BTBD9: variants seen among roughly 807,000 people sequenced by gnomAD.
The protein encoded by BTBD9 is BTB domain containing 9.
A neutral mutation model predicts 64.3 loss-of-function variants in BTBD9; 49 were observed. That is an observed-to-expected ratio of 0.76 (90% CI 0.61 to 0.97). The LOEUF (loss-of-function observed/expected upper bound fraction) is 0.97, where lower values mean the gene tolerates loss of function less well. Ranked by LOEUF, BTBD9 falls within the 50% of genes least tolerant of loss-of-function variation. The pLI is 0.00. For missense variants in BTBD9, 598 were observed against 762.1 expected (o/e 0.78, Z 2.53); for synonymous variants, 260 against 274.7 (o/e 0.95, Z 0.53).
intron 6 of BTBD9, among the ~76,000 whole-genome samples, chr6:38,398,570 G>A (rs1194732169): frequency 4.6e-5 from 7 of 152,058 alleles, no homozygotes; most frequent in Admixed American, 2.6e-4. Context: ...AGGCCCTTTC[G>A]CCATCCTCTG....
At chr6:38,587,555 T>C in intron 4 of BTBD9, 1 of 578,552 alleles carries the variant, frequency 1.7e-6, no homozygotes, top group South Asian at 1.5e-5. Context: ...GATCTTTCCT[T>C]TGCAATTCAG....
At chr6:38,319,876 AGTCCTTGTG>A (rs1380590649) in intron 7 of BTBD9, among the ~76,000 whole-genome samples, 1 of 152,100 alleles carries the variant, frequency 6.6e-6, no homozygotes, top group Non-Finnish European at 1.5e-5. Context: ...TAGGATTTAC[AGTCCTTGTG>A]GCCTAGACAG....
intron 6 of BTBD9, among the ~76,000 whole-genome samples, chr6:38,483,495 T>G (rs963751772): frequency 6.6e-6 from 1 of 152,036 alleles, no homozygotes; most frequent in African/African-American, 2.4e-5. Flanking sequence ...ACTAGAGTTA[T>G]CTTTCAAAAA....
chr6:38,597,899 T>G lies in BTBD9; in HGVS notation c.185+11A>C, dbSNP rs899698592. 4 of 1,612,788 alleles carry G rather than the reference T, an allele frequency of 2.5e-6. No individual in the cohort carries two copies. In the African/African-American group the frequency reaches 5.3e-5, roughly 22 times the overall value. The stretch of plus-strand genomic sequence containing the variant: ...TGAACTAAATTTTCAAAAAAAGTAT[T>G]ACACACTTACCGAAAATATTGGCAC... On this transcript the variant is annotated intron_variant, in intron 2 of 10. Coordinates refer to ENST00000481247, the MANE Select transcript of BTBD9 (RefSeq NM_001099272.2).
At chr6:38,559,681 T>C (rs1301382173) in intron 6 of BTBD9, among the ~76,000 whole-genome samples, 2 of 152,110 alleles carry the variant, frequency 1.3e-5, no homozygotes, top group Non-Finnish European at 2.9e-5. Flanking sequence ...CAAATGACAC[T>C]ATAAGGTTAC....
At chr6:38,305,887 C>G (rs1195370646) in intron 7 of BTBD9, among the ~76,000 whole-genome samples, 1 of 152,174 alleles carries the variant, frequency 6.6e-6, no homozygotes, top group African/African-American at 2.4e-5. Flanking sequence ...AATGTCACCA[C>G]TGGTTTACTA....
At chr6:38,266,225 A>G (rs890066443) in intron 8 of BTBD9, among the ~76,000 whole-genome samples, 3 of 152,176 alleles carry the variant, frequency 2.0e-5, no homozygotes, top group African/African-American at 7.2e-5. Flanking sequence ...CTTTTAACAA[A>G]TAAATTTTGC....
At chr6:38,257,077 T>G (rs541673435) in intron 8 of BTBD9, among the ~76,000 whole-genome samples, 1 of 149,888 alleles carries the variant, frequency 6.7e-6, no homozygotes. Flanking sequence ...TTTTTTTTTT[T>G]TTTTTTGGTA....
In BTBD9 at chr6:38,552,233, C is replaced by A. The variant is rs528122310; in HGVS notation, c.1154+25367G>T. ...GATTTTCCTATCTTCAGGCCAACAA[C>A]ACAGTATAGAAATCGGAAGCAGTGT... On this transcript the variant is annotated intron_variant, in intron 6 of 10. Transcript: ENST00000481247. 2.6e-5 allele frequency among the ~76,000 whole-genome samples: 4 copies of A among 152,248 alleles called. No homozygotes were observed. The East Asian group carries it at 7.7e-4, about 29-fold the overall frequency.
intron 6 of BTBD9, among the ~76,000 whole-genome samples, chr6:38,552,192 C>T (rs938060048): frequency 2.0e-5 from 3 of 152,092 alleles, no homozygotes; most frequent in Admixed American, 1.3e-4. Context: ...ATCTTAAGTC[C>T]AATTCTGTAT....
intron 9 of BTBD9, among the ~76,000 whole-genome samples, chr6:38,252,975 G>A (rs993484739): frequency 2.6e-5 from 4 of 152,068 alleles, no homozygotes; most frequent in African/African-American, 7.2e-5. Flanking sequence ...TTAGCTTGGC[G>A]CAGTGGCACA....
At chr6:38,374,308 T>C (rs1164425997) in intron 6 of BTBD9, among the ~76,000 whole-genome samples, 6 of 84,086 alleles carry the variant, frequency 7.1e-5, no homozygotes, top group South Asian at 3.9e-4. Flanking sequence ...TATATATATG[T>C]ATATATATAT....
chr6:38,587,016 T>C (rs967898744), intron 4 of BTBD9, among the ~76,000 whole-genome samples: 7 of 151,752 alleles, frequency 4.6e-5, no homozygotes, highest in African/African-American at 1.5e-4. Context: ...TGAGCCGAGA[T>C]TGTGTCGTTG....
At chr6:38,455,746 T>C (rs1443807335) in intron 6 of BTBD9, among the ~76,000 whole-genome samples, 1 of 152,240 alleles carries the variant, frequency 6.6e-6, no homozygotes, top group Admixed American at 6.5e-5. Context: ...TTTACTCTTG[T>C]TTCCCAGGCT....
At chr6:38,251,575 C>A (rs1218403907) in intron 9 of BTBD9, among the ~76,000 whole-genome samples, 1 of 152,040 alleles carries the variant, frequency 6.6e-6, no homozygotes, top group Non-Finnish European at 1.5e-5. Context: ...TGCTTTCTAC[C>A]ATTTTTTTAG....
At chr6:38,588,935 T>C (rs554189880) in intron 4 of BTBD9, among the ~76,000 whole-genome samples, 24 of 152,350 alleles carry the variant, frequency 1.6e-4, no homozygotes, top group East Asian at 5.8e-4. Flanking sequence ...GATAGATTAA[T>C]AAAGATGATT....
At chr6:38,594,641 G>A (rs1776961308) in intron 2 of BTBD9, among the ~76,000 whole-genome samples, 1 of 152,180 alleles carries the variant, frequency 6.6e-6, no homozygotes, top group East Asian at 1.9e-4. Context: ...ATATAAAGAT[G>A]TTAAAGGTCA....
At chr6:38,394,560 G>A (rs973222935) in intron 6 of BTBD9, among the ~76,000 whole-genome samples, 4 of 152,050 alleles carry the variant, frequency 2.6e-5, no homozygotes, top group African/African-American at 9.7e-5. Context: ...CCCAATGGTT[G>A]TGTTCTGTTA....
intron 8 of BTBD9, among the ~76,000 whole-genome samples, chr6:38,285,606 G>A (rs578237988): frequency 5.9e-5 from 9 of 152,254 alleles, no homozygotes; most frequent in African/African-American, 1.4e-4. Flanking sequence ...TAAACTTCCC[G>A]TTTGCTTCAA....
Sources: allele counts gnomAD v4.1 joint callset (sites outside exome capture counted in the v4.1 genomes callset), GRCh38; gene constraint gnomAD v4.1.1; transcripts MANE v1.5; gene names NCBI Gene and HGNC (gene_info 2026-07-23, HGNC 2026-07-21).